GALNT11: variants seen among roughly 807,000 people sequenced by gnomAD.
GALNT11 encodes UDP-GalNAc:polypeptide N-acetylgalactosaminyltransferase 11.
Under a neutral mutation model 72.7 loss-of-function variants are expected in GALNT11, and 47 were observed. That is an observed-to-expected ratio of 0.65 (90% confidence interval 0.51 to 0.82). The LOEUF (loss-of-function observed/expected upper bound fraction) is 0.82, where lower values mean the gene tolerates loss of function less well. GALNT11 is among the 40% of genes least tolerant of loss of function. The pLI, the probability that GALNT11 is intolerant of heterozygous loss-of-function variation, is 0.00. For missense variants in GALNT11, 677 were observed against 778.4 expected, an observed-to-expected ratio of 0.87 and a Z score of 1.55; for synonymous variants, 270 against 286.6, an observed-to-expected ratio of 0.94 and a Z score of 0.58.
chr7:152,053,108 C>T (rs997735456), intron 1 of GALNT11, among the ~76,000 whole-genome samples: 1 of 152,172 alleles, frequency 6.6e-6, no homozygotes, highest in African/African-American at 2.4e-5. Flanking sequence ...TTTCTTGGTT[C>T]TAGATTTTTT....
At chr7:152,035,229 T>A (rs2082507446) in intron 1 of GALNT11, among the ~76,000 whole-genome samples, 1 of 152,012 alleles carries the variant, frequency 6.6e-6, no homozygotes. Flanking sequence ...TGGGCAAAAA[T>A]TATGTCTTTC....
chr7:152,027,413 C>T (rs1182621998), intron 1 of GALNT11, among the ~76,000 whole-genome samples: 2 of 152,170 alleles, frequency 1.3e-5, no homozygotes, highest in Non-Finnish European at 2.9e-5. Context: ...ACCTGCAAGG[C>T]TCTTGTATTG....
chr7:152,032,657 TC>T (rs921410635), intron 1 of GALNT11, among the ~76,000 whole-genome samples: 2 of 152,192 alleles, frequency 1.3e-5, no homozygotes, highest in African/African-American at 4.8e-5. Context: ...TGTGGTGGGA[TC>T]TTTTAACCTG....
chr7:152,096,647 GGAGGTTGCAGT>G (rs950501872), intron 2 of GALNT11, among the ~76,000 whole-genome samples: 3 of 151,338 alleles, frequency 2.0e-5, no homozygotes, highest in African/African-American at 7.3e-5. Context: ...CCTGGGAGGC[GGAGGTTGCAGT>G]GAGTCAAGAT....
chr7:152,050,605 A>G (rs1461009450), intron 1 of GALNT11, among the ~76,000 whole-genome samples: 1 of 151,830 alleles, frequency 6.6e-6, no homozygotes, highest in East Asian at 1.9e-4. Flanking sequence ...GGGGTGGTGC[A>G]AGCACTCCCT....
In GALNT11 at chr7:152,094,596, G is replaced by A. The variant is rs1211523580; in HGVS notation, c.295+74G>A. On this transcript the variant is annotated intron_variant, in intron 2 of 11. Coordinates refer to ENST00000430044, the MANE Select transcript of GALNT11 (RefSeq NM_022087.4). The surrounding 1 kb of genome is among the most constrained non-coding windows in gnomAD (Gnocchi z 4.3). ...GGAAGTTTGATTAATTAGTTAATTA[G>A]GAGATCAGAAATGCTGCATCATTTT... The A allele has an allele frequency of 2.8e-6, 4 of 1,451,282 alleles. No homozygotes were observed. Among genetic ancestry groups the A allele is most frequent in the South Asian group, 1.4e-5 (1 of 72,176 alleles). The allele number at this position is 1,451,282 out of a possible 1,614,324, so 89.9% of individuals were successfully genotyped here. A position where few individuals can be genotyped will look rare whatever the true frequency, so the allele number is the denominator to read the frequency against.
chr7:152,077,705 C>A (rs752196871), intron 1 of GALNT11, among the ~76,000 whole-genome samples: 2 of 151,984 alleles, frequency 1.3e-5, no homozygotes, highest in Non-Finnish European at 2.9e-5. Context: ...ACATCTCACG[C>A]CTCAAATTAT....
chr7:152,067,454 C>T lies in GALNT11; in HGVS notation c.-38-26736C>T, dbSNP rs117988980. Among the ~76,000 whole-genome samples the T allele has an allele frequency of 4.6e-3, 693 of 152,278 alleles. 5 individuals are homozygous for T. Among genetic ancestry groups the T allele is most frequent in the Non-Finnish European group, 7.0e-3 (477 of 68,024 alleles). On this transcript the variant is annotated intron_variant, in intron 1 of 11. Coordinates refer to ENST00000430044, the MANE Select transcript of GALNT11 (RefSeq NM_022087.4). ...ATTTCTCTCAGTTTGGATTTAGGGA[C>T]GTTTATTTTATACTTTGGGCTATAA...
intron 1 of GALNT11, among the ~76,000 whole-genome samples, chr7:152,051,837 G>A (rs1699027835): frequency 6.6e-6 from 1 of 152,170 alleles, no homozygotes; most frequent in Admixed American, 6.5e-5. Flanking sequence ...TCTTCACTCT[G>A]ACAATTTCTT....
At chr7:152,076,497 C>T (rs1412415871) in intron 1 of GALNT11, among the ~76,000 whole-genome samples, 1 of 152,178 alleles carries the variant, frequency 6.6e-6, no homozygotes, top group Non-Finnish European at 1.5e-5. Context: ...CTTGATTGTG[C>T]TGAGGAATTC....
At chr7:152,057,467 C>T (rs1214811616) in intron 1 of GALNT11, among the ~76,000 whole-genome samples, 8 of 151,772 alleles carry the variant, frequency 5.3e-5, no homozygotes, top group South Asian at 2.1e-4. Context: ...CTACCATGCC[C>T]GGCTAAATTT....
At chr7:152,034,932 G>A (rs534881141) in intron 1 of GALNT11, among the ~76,000 whole-genome samples, 2 of 152,150 alleles carry the variant, frequency 1.3e-5, no homozygotes, top group South Asian at 2.1e-4. Context: ...ATGCATTCTC[G>A]AAAACCTGTT....
At chr7:152,066,149 C>A (rs963503283) in intron 1 of GALNT11, among the ~76,000 whole-genome samples, 1 of 152,216 alleles carries the variant, frequency 6.6e-6, no homozygotes. Flanking sequence ...GGGCACCCCT[C>A]CCCCAGCCTC....
intron 7 of GALNT11, among the ~76,000 whole-genome samples, chr7:152,112,048 C>T (rs1473481146): frequency 6.6e-6 from 1 of 151,798 alleles, no homozygotes; most frequent in Non-Finnish European, 1.5e-5. Context: ...CTCAGAGGAC[C>T]ATGGTGTAGA....
chr7:152,117,544 T>TAC, intron 9 of GALNT11, 169 bp downstream of exon 9: 10 of 670,640 alleles, frequency 1.5e-5, no homozygotes, highest in Non-Finnish European at 2.5e-5. Flanking sequence ...TACGCAAGTG[T>TAC]AGGACCTCAA....
chr7:152,043,324 G>A (rs1392226304), intron 1 of GALNT11, among the ~76,000 whole-genome samples: 5 of 152,182 alleles, frequency 3.3e-5, no homozygotes, highest in Non-Finnish European at 7.3e-5. Context: ...CTTTTGCGGG[G>A]ATTCCCCAGG....
intron 1 of GALNT11, among the ~76,000 whole-genome samples, chr7:152,034,494 T>G (rs1325892482): frequency 6.6e-6 from 1 of 152,136 alleles, no homozygotes; most frequent in Non-Finnish European, 1.5e-5. Context: ...TTTTTCAGGG[T>G]TTGCGGGTCA....
At chr7:152,117,060 A>T in intron 8 of GALNT11, 97 bp from the exon 9 acceptor site, 2 of 1,001,874 alleles carry the variant, frequency 2.0e-6, no homozygotes, top group Non-Finnish European at 3.0e-6. Flanking sequence ...TATCATTGTT[A>T]GTAATGGACT....
Position 152,103,272 on chromosome 7 carries a change from G to T in GALNT11, c.580G>T (p.Asp194Tyr). 2 of 1,612,242 alleles carry T rather than the reference G, an allele frequency of 1.2e-6. No individual in the cohort carries two copies. Among genetic ancestry groups the T allele is most frequent in the Non-Finnish European group, 1.7e-6 (2 of 1,178,554 alleles). Reference protein sequence around the residue: ...HEIILVDDDSDFDDLKGELDE... With the variant: ...HEIILVDDDSYFDDLKGELDE... ...GATCATCCTTGTGGATGATGATAGT[G>T]ACTTTGGTAAGGAATGCTGCACCTG... Residue 194 changes from aspartate (D) to tyrosine (Y), a missense_variant, in exon 4 of 12, where the codon GAC becomes TAC. Transcript: ENST00000430044.
Sources: allele counts gnomAD v4.1 joint callset (sites outside exome capture counted in the v4.1 genomes callset), GRCh38; gene constraint gnomAD v4.1.1; non-coding constraint Gnocchi (gnomAD v3.1); transcripts MANE v1.5; gene names NCBI Gene and HGNC (gene_info 2026-07-23, HGNC 2026-07-21).